Variants in GREB1L observed in about 807,000 individuals in gnomAD.
GREB1L encodes GREB1-like protein.
A neutral mutation model predicts 200.8 loss-of-function variants in GREB1L; 17 were observed. The ratio of observed to expected loss-of-function variants is 0.08; its 90% CI spans 0.06 to 0.13. The LOEUF is 0.13. Among genes scored for constraint, GREB1L ranks in the 10% least tolerant of loss-of-function variants. The probability of loss-of-function intolerance (pLI) is 1.00; values close to 1 mark genes in which losing one functional copy is unlikely to be tolerated. For synonymous variants in GREB1L, 789 were observed against 893.0 expected, an observed-to-expected ratio of 0.88 and a Z score of 2.08; for missense variants, 1,657 against 2,367.7, an observed-to-expected ratio of 0.70 and a Z score of 6.23.
chr18:21,428,146 C>T (rs1390718280), intron 7 of GREB1L, among the ~76,000 whole-genome samples: 2 of 133,254 alleles, frequency 1.5e-5, no homozygotes, highest in East Asian at 2.3e-4. Flanking sequence ...GCCGAGATTG[C>T]GCCACTGCAG....
At chr18:21,364,180 C>A (rs2039623215) in intron 1 of GREB1L, among the ~76,000 whole-genome samples, 1 of 151,928 alleles carries the variant, frequency 6.6e-6, no homozygotes, top group Non-Finnish European at 1.5e-5. Context: ...TGCTTTTTGG[C>A]ACTTTTGTAG....
intron 1 of GREB1L, among the ~76,000 whole-genome samples, chr18:21,360,184 TCTTAA>T (rs992746215): frequency 2.8e-4 from 42 of 152,340 alleles, no homozygotes; most frequent in African/African-American, 9.6e-4. Flanking sequence ...TTTTAAGCTT[TCTTAA>T]CTTAAAACAA....
intron 1 of GREB1L, among the ~76,000 whole-genome samples, chr18:21,348,999 G>A (rs1203277915): frequency 3.9e-5 from 6 of 152,100 alleles, no homozygotes; most frequent in African/African-American, 7.2e-5. Context: ...CTGTGTGGCT[G>A]CCCTCTGTCT....
At chr18:21,506,183 C>G (rs2037010643) in intron 25 of GREB1L, among the ~76,000 whole-genome samples, 1 of 152,088 alleles carries the variant, frequency 6.6e-6, no homozygotes, top group African/African-American at 2.4e-5. Flanking sequence ...CACCTGAGGT[C>G]AGAAGTTCGT....
intron 1 of GREB1L, among the ~76,000 whole-genome samples, chr18:21,313,953 G>T (rs1274109530): frequency 2.0e-5 from 3 of 152,044 alleles, no homozygotes; most frequent in African/African-American, 7.2e-5. Context: ...TTCCCTCCTA[G>T]ACATGAATTT....
intron 13 of GREB1L, 134 bp from the exon 14 acceptor site, chr18:21,451,949 T>C: frequency 2.8e-6 from 2 of 717,332 alleles, no homozygotes; most frequent in Non-Finnish European, 2.3e-6. Context: ...GATGGCCAAG[T>C]GTAAATGCTG....
Position 21,410,383 on chromosome 18 carries a change from C to T in GREB1L, c.832+6389C>T, listed in dbSNP as rs183827980. ...ATAATATTATATATAAAGGCCAGCA[C>T]GGTGGCTCATGCCTGTAATCCCAGC... On this transcript the variant is annotated intron_variant, in intron 7 of 32. Coordinates refer to ENST00000424526, the MANE Select transcript of GREB1L (RefSeq NM_001142966.3). 4.9e-4 allele frequency among the ~76,000 whole-genome samples: 74 copies of T among 152,070 alleles called. 1 individual carries two copies. Among genetic ancestry groups the T allele is most frequent in the African/African-American group, 1.5e-3 (63 of 41,500 alleles).
intron 4 of GREB1L, among the ~76,000 whole-genome samples, chr18:21,390,593 A>G (rs1406812547): frequency 6.6e-6 from 1 of 152,048 alleles, no homozygotes; most frequent in Non-Finnish European, 1.5e-5. Context: ...TTGGAGTGCA[A>G]TGGCGCAATC....
chr18:21,406,457 G>A (rs2030246148), intron 7 of GREB1L, among the ~76,000 whole-genome samples: 1 of 152,166 alleles, frequency 6.6e-6, no homozygotes, highest in East Asian at 1.9e-4. Context: ...ATAAAAGAAA[G>A]TGCCTTTATA....
intron 14 of GREB1L, among the ~76,000 whole-genome samples, chr18:21,453,271 G>C (rs1340631376): frequency 1.3e-5 from 2 of 152,176 alleles, no homozygotes; most frequent in African/African-American, 4.8e-5. Flanking sequence ...ATTTAAAGTT[G>C]CAGGTTTGGG....
chr18:21,328,184 C>A (rs939627507), intron 1 of GREB1L, among the ~76,000 whole-genome samples: 6 of 152,162 alleles, frequency 3.9e-5, no homozygotes, highest in African/African-American at 9.7e-5. Flanking sequence ...ATTGCCCCCC[C>A]CCGTTCCCCA....
At chr18:21,460,386 C>T (rs1454146765) in intron 15 of GREB1L, among the ~76,000 whole-genome samples, 13 of 152,052 alleles carry the variant, frequency 8.5e-5, no homozygotes, top group African/African-American at 3.1e-4. Context: ...GCTTTTGTTG[C>T]CCAGGTTGGA....
intron 7 of GREB1L, among the ~76,000 whole-genome samples, chr18:21,438,496 C>T (rs964947281): frequency 4.6e-5 from 7 of 151,564 alleles, no homozygotes; most frequent in African/African-American, 1.7e-4. Context: ...AAGATGCTCT[C>T]TCTTAAAAAA....
intron 7 of GREB1L, among the ~76,000 whole-genome samples, chr18:21,428,224 A>G (rs1167121530): frequency 1.4e-5 from 2 of 138,400 alleles, no homozygotes; most frequent in Non-Finnish European, 3.0e-5. Context: ...AAAAAAAAAA[A>G]AAAGAGTGGA....
chr18:21,437,665 T>C (rs142538631), intron 7 of GREB1L, among the ~76,000 whole-genome samples: 8 of 152,294 alleles, frequency 5.3e-5, no homozygotes, highest in African/African-American at 1.9e-4. Flanking sequence ...CACAGGTATA[T>C]AATCAGCAAA....
chr18:21,426,733 C>T (rs1343511148), intron 7 of GREB1L, among the ~76,000 whole-genome samples: 8 of 151,724 alleles, frequency 5.3e-5, no homozygotes, highest in African/African-American at 9.7e-5. Flanking sequence ...CAGAGGCGGG[C>T]GGATCACGAG....
intron 15 of GREB1L, among the ~76,000 whole-genome samples, chr18:21,462,396 A>C (rs2035081348): frequency 6.6e-6 from 1 of 152,246 alleles, no homozygotes; most frequent in African/African-American, 2.4e-5. Flanking sequence ...AAAACAAAGC[A>C]TGAAAGTTAA....
chr18:21,369,405 G>A (rs2143705060), intron 2 of GREB1L, among the ~76,000 whole-genome samples: 1 of 152,244 alleles, frequency 6.6e-6, no homozygotes, highest in Middle Eastern at 3.4e-3. Flanking sequence ...TCTTACACAA[G>A]GATTGCCTCT....
intron 1 of GREB1L, among the ~76,000 whole-genome samples, chr18:21,295,285 C>T (rs1049135184): frequency 2.6e-5 from 4 of 152,274 alleles, no homozygotes; most frequent in African/African-American, 7.2e-5. Flanking sequence ...TGGTGAGGAA[C>T]GGCTTGTTAT....
Sources: allele counts gnomAD v4.1 joint callset (sites outside exome capture counted in the v4.1 genomes callset), GRCh38; gene constraint gnomAD v4.1.1; transcripts MANE v1.5; gene names NCBI Gene and HGNC (gene_info 2026-07-23, HGNC 2026-07-21).